Variants in PRELID2 observed in about 807,000 individuals in gnomAD.
PRELID2 encodes PRELI domain-containing protein 2.
A neutral mutation model predicts 28.4 loss-of-function variants in PRELID2; 25 were observed. That is an observed-to-expected ratio of 0.88 (90% CI 0.64 to 1.23). PRELID2 has a LOEUF of 1.23. Ranked by LOEUF, PRELID2 falls within the 50% of genes most tolerant of loss-of-function variation. The probability of loss-of-function intolerance (pLI) is 0.00; values close to 1 mark genes in which losing one functional copy is unlikely to be tolerated. For missense variants in PRELID2, 201 were observed against 214.4 expected (o/e 0.94, Z 0.39); for synonymous variants, 76 against 71.6 (o/e 1.06, Z -0.31).
chr5:145,744,933 C>A (rs1043123491), intron 1 of PRELID2, among the ~76,000 whole-genome samples: 3 of 151,960 alleles, frequency 2.0e-5, no homozygotes, highest in Admixed American at 2.0e-4. Context: ...GGAGCATGTT[C>A]TAACCCAATG....
At chr5:145,476,806 T>C (rs1752106326) in intron 1 of PRELID2, among the ~76,000 whole-genome samples, 1 of 151,948 alleles carries the variant, frequency 6.6e-6, no homozygotes. Context: ...GAGTATTCTG[T>C]CCCCAAAAGC....
At chr5:145,428,717 T>C in the PRELID2 span, among the ~76,000 whole-genome samples, 16 of 152,104 alleles carry the variant, frequency 1.1e-4, no homozygotes, top group South Asian at 3.3e-3. Flanking sequence ...GATGCAGAGA[T>C]AGTTTATTGG....
intron 4 of PRELID2, among the ~76,000 whole-genome samples, chr5:145,817,594 T>C (rs1173803642): frequency 4.0e-5 from 6 of 151,766 alleles, no homozygotes; most frequent in East Asian, 1.9e-4. Flanking sequence ...TATAAGGATC[T>C]AAAGGTATCT....
the PRELID2 span, among the ~76,000 whole-genome samples, chr5:145,254,453 A>T: frequency 3.3e-5 from 5 of 152,136 alleles, no homozygotes; most frequent in Non-Finnish European, 7.4e-5. Context: ...TGGCAGCCAG[A>T]TCTCCTGCCT....
chr5:145,835,255 C>T lies in PRELID2; in HGVS notation c.-4G>A, dbSNP rs1317770527. ...GCACATCCACCGAGACCCCCATCCC[C>T]GCGCGCCGCGGGCCCCGCGCACCGG... On this transcript the variant is annotated 5_prime_UTR_variant, in exon 1 of 7. Coordinates refer to ENST00000683046, the MANE Select transcript of PRELID2 (RefSeq NM_205846.3). 1.3e-6 allele frequency: 2 copies of T among 1,546,926 alleles called. No homozygotes were observed. The highest frequency in any genetic ancestry group is 1.7e-6 in the Non-Finnish European group (2 of 1,144,580).
chr5:145,520,743 C>T (rs1042929442), intron 1 of PRELID2, among the ~76,000 whole-genome samples: 13 of 152,090 alleles, frequency 8.5e-5, no homozygotes, highest in African/African-American at 3.1e-4. Context: ...GTATCCTTCT[C>T]CTACTAGAAT....
chr5:145,531,568 C>A (rs1288356763), intron 1 of PRELID2, among the ~76,000 whole-genome samples: 1 of 152,134 alleles, frequency 6.6e-6, no homozygotes, highest in Non-Finnish European at 1.5e-5. Context: ...CAGCTTAGGC[C>A]AGGAGAACAG....
At chr5:145,248,730 C>G in the PRELID2 span, among the ~76,000 whole-genome samples, 1 of 150,528 alleles carries the variant, frequency 6.6e-6, no homozygotes, top group African/African-American at 2.5e-5. Flanking sequence ...CCAGGGGGTG[C>G]AGGTTGCAGT....
chr5:145,724,109 A>G (rs1006167210), intron 1 of PRELID2, among the ~76,000 whole-genome samples: 9 of 152,176 alleles, frequency 5.9e-5, no homozygotes, highest in African/African-American at 2.2e-4. Context: ...CATATATTTC[A>G]AACATGTCTA....
chr5:145,246,826 G>C, the PRELID2 span, among the ~76,000 whole-genome samples: 1 of 152,142 alleles, frequency 6.6e-6, no homozygotes, highest in East Asian at 1.9e-4. Context: ...CCTGGGTGTA[G>C]GCCAAACTAA....
chr5:145,391,408 G>C, the PRELID2 span, among the ~76,000 whole-genome samples: 7 of 152,222 alleles, frequency 4.6e-5, no homozygotes, highest in Admixed American at 3.3e-4. Context: ...GCCACTGCTA[G>C]AGATGAAGCA....
At chr5:145,249,497 A>C in the PRELID2 span, among the ~76,000 whole-genome samples, 1 of 152,096 alleles carries the variant, frequency 6.6e-6, no homozygotes, top group African/African-American at 2.4e-5. Flanking sequence ...TTACCAATGA[A>C]AGCCAAAATA....
the PRELID2 span, among the ~76,000 whole-genome samples, chr5:145,376,929 GT>G: frequency 6.6e-6 from 1 of 151,892 alleles, no homozygotes; most frequent in Non-Finnish European, 1.5e-5. Flanking sequence ...TCTTCTGCTA[GT>G]TTTGGTTGTG....
chr5:145,829,950 C>T (rs543708253), intron 1 of PRELID2, among the ~76,000 whole-genome samples: 1 of 152,326 alleles, frequency 6.6e-6, no homozygotes, highest in South Asian at 2.1e-4. Context: ...TTCAGCACAC[C>T]AGGCTCCCAG....
intron 1 of PRELID2, among the ~76,000 whole-genome samples, chr5:145,645,286 A>G (rs964676033): frequency 8.4e-6 from 1 of 119,218 alleles, no homozygotes; most frequent in African/African-American, 3.3e-5. Context: ...TTGTCTCTTG[A>G]TCTTTGTTGG....
intron 1 of PRELID2, among the ~76,000 whole-genome samples, chr5:145,590,826 C>A (rs1223933372): frequency 2.0e-5 from 3 of 152,032 alleles, no homozygotes; most frequent in East Asian, 1.9e-4. Flanking sequence ...TGCCTATGCC[C>A]CCCACTGACA....
At chr5:145,389,751 G>T in the PRELID2 span, among the ~76,000 whole-genome samples, 9 of 152,106 alleles carry the variant, frequency 5.9e-5, no homozygotes, top group Non-Finnish European at 1.2e-4. Flanking sequence ...TGCTCACTTT[G>T]TCTCTGAAAT....
At chr5:145,487,893 G>A (rs973781209) in intron 1 of PRELID2, among the ~76,000 whole-genome samples, 3 of 151,842 alleles carry the variant, frequency 2.0e-5, no homozygotes, top group Non-Finnish European at 4.4e-5. Flanking sequence ...GGGAGGCTGA[G>A]GTGGGTGGAT....
the PRELID2 span, among the ~76,000 whole-genome samples, chr5:145,379,026 G>C: frequency 3.3e-5 from 5 of 151,928 alleles, no homozygotes; most frequent in Admixed American, 6.6e-5. Flanking sequence ...TGAATTTGAG[G>C]GTTTGATTCT....
Sources: allele counts gnomAD v4.1 joint callset (sites outside exome capture counted in the v4.1 genomes callset), GRCh38; gene constraint gnomAD v4.1.1; transcripts MANE v1.5; gene names NCBI Gene and HGNC (gene_info 2026-07-23, HGNC 2026-07-21).